The following PLPP2 variants were observed in gnomAD, a reference collection of about 807,000 sequenced individuals.
PLPP2 encodes the protein phospholipid phosphatase 2.
In PLPP2, 29 loss-of-function variants were observed where a neutral mutation model predicts 35.2. The observed-to-expected ratio is 0.82, with a 90% CI of 0.61 to 1.12. The LOEUF (loss-of-function observed/expected upper bound fraction) is 1.12, where lower values mean the gene tolerates loss of function less well. Among genes scored for constraint, PLPP2 ranks in the 50% most tolerant of loss-of-function variants. PLPP2 has a pLI of 0.00. For missense variants in PLPP2, 353 were observed against 375.2 expected (o/e 0.94, Z 0.49); for synonymous variants, 162 against 167.0 (o/e 0.97, Z 0.23).
At position 287,722 on chromosome 19, in the gene PLPP2, G is replaced by A; in HGVS notation, c.234C>T (p.Tyr78=). The A allele has an allele frequency of 6.2e-7, 1 of 1,613,812 alleles. No homozygotes were observed. Among genetic ancestry groups the A allele is most frequent in the Non-Finnish European group, 8.5e-7 (1 of 1,180,012 alleles). The change falls in exon 3 of 6, where the codon TAC becomes TAT. Residue 78 remains tyrosine (Y), a synonymous_variant. Coordinates refer to ENST00000434325, the MANE Select transcript of PLPP2 (RefSeq NM_003712.4). This position sits in a 1 kb window ranked among gnomAD's most constrained non-coding sequence, Gnocchi z 4.3. ...LVSAGEAYLV[Y]TDRLYSRSDF... ...CCGAGCGAGAATAGAGCCGGTCTGTGTACACCAGGTAGGCTTCCCCGGCCG... is the reference window on the plus strand; with the variant it reads ...CCGAGCGAGAATAGAGCCGGTCTGTATACACCAGGTAGGCTTCCCCGGCCG...
chr19:289,431 G>A (rs1970338300), intron 1 of PLPP2, among the ~76,000 whole-genome samples: 1 of 152,222 alleles, frequency 6.6e-6, no homozygotes, highest in African/African-American at 2.4e-5. Context: ...GTGAGGGAAT[G>A]CAGAACAGAA....
At position 282,213 on chromosome 19, in the gene PLPP2, G is replaced by T; in HGVS notation, c.638C>A (p.Thr213Asn). ...GTGGTGTTTGTAATCAGACACGCGG[G>T]TGTAGCCCACGTAGAGGGCAAAGGC... ...LVAFALYVGY[T>N]RVSDYKHHWS... Residue 213 changes from threonine (T) to asparagine (N), a missense_variant, in exon 5 of 6, where the codon ACC (threonine) becomes AAC (asparagine). Thr to Asn is a moderately conservative substitution (Grantham distance 65). Transcript: ENST00000434325. The T allele has an allele frequency of 6.2e-7, 1 of 1,613,892 alleles. No homozygotes were observed. Among genetic ancestry groups the T allele is most frequent in the Non-Finnish European group, 8.5e-7 (1 of 1,179,892 alleles).
At chr19:291,241 T>C in intron 1 of PLPP2, 44 bp downstream of exon 1, 2 of 1,597,662 alleles carry the variant, frequency 1.3e-6, no homozygotes, top group Non-Finnish European at 1.7e-6. Context: ...GGCGTGTCCG[T>C]CCCGGGAGGG....
intron 1 of PLPP2, 50 bp downstream of exon 1, chr19:291,235 T>A (rs747445802): frequency 1.9e-6 from 3 of 1,594,524 alleles, no homozygotes; most frequent in Non-Finnish European, 2.6e-6. Context: ...GCCGGGGGCG[T>A]GTCCGTCCCG....
Position 281,424 on chromosome 19 carries a change from G to A in PLPP2, c.831C>T (p.Asp277=). 1 of 1,510,708 alleles carries A rather than the reference G, an allele frequency of 6.6e-7. No individual in the cohort carries two copies. The highest frequency in any genetic ancestry group is 8.9e-7 in the Non-Finnish European group (1 of 1,127,844). 93.6% of individuals were successfully genotyped at this position (1,510,708 alleles called of 1,614,324 possible). The change falls in exon 6 of 6, where the codon GAC becomes GAT. Residue 277 remains aspartate (D), a synonymous_variant. Coordinates refer to ENST00000434325, the MANE Select transcript of PLPP2 (RefSeq NM_003712.4). ...LSLTLTLGEA[D]HNHYGYPHSS... ...AGTGCGGGTATCCATAGTGGTTGTG[G>A]TCAGCCTCGCCCAGGGTCAACGTCA...
chr19:282,185 C>T lies in PLPP2; in HGVS notation c.666G>A (p.Trp222Ter). 1 of 1,613,826 alleles carries T rather than the reference C, an allele frequency of 6.2e-7. No individual in the cohort carries two copies. Among genetic ancestry groups the T allele is most frequent in the Non-Finnish European group, 8.5e-7 (1 of 1,179,860 alleles). ...GCAGGAGGCCAACAAGGACATCGCT[C>T]CAGTGGTGTTTGTAATCAGACACGC... ...YTRVSDYKHH[W>*]SDVLVGLLQG... Residue 222 changes from tryptophan (W) to a stop codon, truncating the protein, a stop_gained, in exon 5 of 6, where the codon TGG (tryptophan) becomes TGA (stop). Coordinates refer to ENST00000434325, the MANE Select transcript of PLPP2 (RefSeq NM_003712.4). LOFTEE classifies it high-confidence loss of function.
Position 288,456 on chromosome 19 carries a change from C to CT in PLPP2, c.53-286dup, listed in dbSNP as rs893356504. On this transcript the variant is annotated intron_variant, in intron 1 of 5. Coordinates refer to ENST00000434325, the MANE Select transcript of PLPP2 (RefSeq NM_003712.4). ...AGCCACTTCTCTCTGCCCAAAATAT[C>CT]TTTTTTTTTTAAATTTTTAAAAGTA... is the stretch of plus-strand genomic sequence containing the variant. The CT allele has an allele frequency of 1.7e-3, 450 of 261,802 alleles. 1 individual carries two copies. Among genetic ancestry groups the CT allele is most frequent in the East Asian group, 5.3e-3 (75 of 14,190 alleles). The allele number at this position is 261,802 out of a possible 1,614,324, so 16.2% of individuals were successfully genotyped here.
chr19:289,486 C>T (rs1970340471), intron 1 of PLPP2, among the ~76,000 whole-genome samples: 3 of 110,444 alleles, frequency 2.7e-5, no homozygotes, highest in East Asian at 2.2e-4. Flanking sequence ...GAGGCCGAGG[C>T]GGGCAGATCA....
At position 281,261 on chromosome 19, in the gene PLPP2, T is replaced by A; in HGVS notation, c.*127A>T. 1 of 951,706 alleles carries A rather than the reference T, an allele frequency of 1.1e-6. No homozygotes were observed. The highest frequency in any genetic ancestry group is 1.4e-6 in the Non-Finnish European group (1 of 722,198). 59.0% of individuals were successfully genotyped at this position (951,706 alleles called of 1,614,324 possible). On this transcript the variant is annotated 3_prime_UTR_variant, in exon 6 of 6. Transcript: ENST00000434325. ...GCAGGGGGCAGCGGAGCCCGCTCAC[T>A]GCTCCCATCAGCCCAGGGTTCCTGG...
Position 281,438 on chromosome 19 carries a change from G to A in PLPP2, c.817C>T (p.Leu273=). ...TAGTGGTTGTGGTCAGCCTCGCCCA[G>A]GGTCAACGTCAGTGACAGGCTGGGC... ...RKPSLSLTLT[L]GEADHNHYGY... Residue 273 remains leucine, a synonymous_variant, in exon 6 of 6, where the codon CTG becomes TTG. Coordinates refer to ENST00000434325, the MANE Select transcript of PLPP2 (RefSeq NM_003712.4). 1 of 1,548,724 alleles carries A rather than the reference G, an allele frequency of 6.5e-7. No homozygotes were observed. Among genetic ancestry groups the A allele is most frequent in the Non-Finnish European group, 8.7e-7 (1 of 1,146,304 alleles).
At chr19:282,955 T>C in intron 3 of PLPP2, 146 bp from the exon 4 acceptor site, 1 of 689,330 alleles carries the variant, frequency 1.5e-6, no homozygotes, top group African/African-American at 1.8e-5. Flanking sequence ...TGTTCCCCTT[T>C]TCTGTTCCAG....
chr19:287,838 G>A lies in PLPP2; in HGVS notation c.205-87C>T, dbSNP rs1431249924. 7 of 1,545,874 alleles carry A rather than the reference G, an allele frequency of 4.5e-6. No homozygotes were observed. The highest frequency in any genetic ancestry group is 2.3e-5 in the East Asian group (1 of 44,260). ...CGCACGGGCCTCCCCAAGGCTGCTG[G>A]AGAGCTGGGGACTCTGAAGGGGGCC... On this transcript the variant is annotated intron_variant, in intron 2 of 5. Transcript: ENST00000434325. The surrounding 1 kb of genome is among the most constrained non-coding windows in gnomAD (Gnocchi z 4.3).
intron 3 of PLPP2, chr19:286,170 A>G (rs1326257489): frequency 6.6e-6 from 1 of 151,490 alleles, no homozygotes; most frequent in Non-Finnish European, 1.5e-5. Flanking sequence ...AAAAGAAAAA[A>G]AAAAAAGATT....
At chr19:291,133 G>C (rs978883738) in intron 1 of PLPP2, 152 bp downstream of exon 1, 1 of 1,392,240 alleles carries the variant, frequency 7.2e-7, no homozygotes, top group Non-Finnish European at 9.4e-7. Context: ...GGCGCGGAGG[G>C]AGGTCTGGTC....
In PLPP2 at chr19:291,369, C is replaced by A. The variant is rs1258324705; in HGVS notation, c.-33G>T. ...GCGACCCCCGACGCCGGTCCCAGCGCGTCCCGTCGCGTCCCGGCCCGGCCG... is the reference window on the plus strand; with the variant it reads ...GCGACCCCCGACGCCGGTCCCAGCGAGTCCCGTCGCGTCCCGGCCCGGCCG... On this transcript the variant is annotated 5_prime_UTR_variant, in exon 1 of 6. Coordinates refer to ENST00000434325, the MANE Select transcript of PLPP2 (RefSeq NM_003712.4). 3 of 1,569,368 alleles carry A rather than the reference C, an allele frequency of 1.9e-6. No individual in the cohort carries two copies. The highest frequency in any genetic ancestry group is 2.3e-5 in the South Asian group (2 of 87,532).
Position 282,119 on chromosome 19 carries a change from G to C in PLPP2, c.717+15C>G, listed in dbSNP as rs774305457. ...CTGGACAACACAGGGGATAGAGTTA[G>C]GGTTAGAAGCTCACAGTGAGGGCAG... On this transcript the variant is annotated intron_variant, in intron 5 of 5. Coordinates refer to ENST00000434325, the MANE Select transcript of PLPP2 (RefSeq NM_003712.4). The C allele has an allele frequency of 2.7e-5, 43 of 1,612,496 alleles. No homozygotes were observed. Among genetic ancestry groups the C allele is most frequent in the Non-Finnish European group, 3.5e-5 (41 of 1,179,588 alleles).
rs570284749 is a variant in PLPP2, at chr19:282,924, T to C, written c.483-115A>G. 8 of 870,322 alleles carry C rather than the reference T, an allele frequency of 9.2e-6. No individual in the cohort carries two copies. In the African/African-American group the frequency reaches 1.0e-4, roughly 11 times the overall value. The allele number at this position is 870,322 out of a possible 1,614,324, so 53.9% of individuals were successfully genotyped here. Reference sequence around the variant, plus strand: ...CGGAGGCTGCTGCTGTTAGATGCACTCAAATCCCAGTAGCAGAAACTGTTC... The same window carrying C: ...CGGAGGCTGCTGCTGTTAGATGCACCCAAATCCCAGTAGCAGAAACTGTTC... On this transcript the variant is annotated intron_variant, in intron 3 of 5. Transcript: ENST00000434325.
intron 1 of PLPP2, chr19:290,966 G>A (rs1970378280): frequency 4.8e-6 from 6 of 1,242,566 alleles, no homozygotes; most frequent in Admixed American, 8.5e-5. Context: ...CAGGCCAGGC[G>A]GGGCGGGATG....
At position 288,096 on chromosome 19, in the gene PLPP2, A is replaced by G. The variant is rs750522183; in HGVS notation, c.128T>C (p.Ile43Thr). ...GGTATCTGGACGGTAGGGGTACCGG[A>G]TGGAGTCATCCCCGCAGTAAAATCC... is the stretch of plus-strand genomic sequence containing the variant. ...KRGFYCGDDS[I>T]RYPYRPDTIT... The change falls in exon 2 of 6, where the codon ATC becomes ACC. Residue 43 changes from isoleucine (I) to threonine (T), a missense_variant. Physicochemically the swap from Ile to Thr is moderately conservative, Grantham distance 89. Coordinates refer to ENST00000434325, the MANE Select transcript of PLPP2 (RefSeq NM_003712.4). 1 of 1,613,360 alleles carries G rather than the reference A, an allele frequency of 6.2e-7. No individual in the cohort carries two copies. Among genetic ancestry groups the G allele is most frequent in the Non-Finnish European group, 8.5e-7 (1 of 1,179,804 alleles).
Sources: allele counts gnomAD v4.1 joint callset (sites outside exome capture counted in the v4.1 genomes callset), GRCh38; gene constraint gnomAD v4.1.1; non-coding constraint Gnocchi (gnomAD v3.1); transcripts MANE v1.5; gene names NCBI Gene and HGNC (gene_info 2026-07-23, HGNC 2026-07-21).